PNPLA7: variants seen among roughly 807,000 people sequenced by gnomAD.
PNPLA7 encodes patatin-like phospholipase domain-containing protein 7.
PNPLA7 carries 153 observed loss-of-function variants against 161.7 expected under a neutral mutation model. The observed-to-expected ratio is 0.95, with a 90% CI of 0.83 to 1.08. The LOEUF (loss-of-function observed/expected upper bound fraction) is 1.08, where lower values mean the gene tolerates loss of function less well. Ranked by LOEUF, PNPLA7 falls within the 50% of genes least tolerant of loss-of-function variation. PNPLA7 has a pLI of 0.00. For synonymous variants in PNPLA7, 809 were observed against 782.1 expected (o/e 1.03, Z -0.57); for missense variants, 1,739 against 1,856.6 (o/e 0.94, Z 1.16).
chr9:137,464,180 A>G lies in PNPLA7; in HGVS notation c.3172T>C (p.Tyr1058His). ...GTGATGTCGGTGGTGATGGCGAAAT[A>G]AGGAATCCACAGGTCCTGCGGGCGG... ...DQQIEDLWIP[Y>H]FAITTDITAS... Residue 1058 changes from tyrosine to histidine, a missense_variant, in exon 28 of 35, where the codon TAT (tyrosine) becomes CAT (histidine). Physicochemically the swap from Tyr to His is moderately conservative, Grantham distance 83. Around this residue, in one of 6 missense-constraint regions of PNPLA7, gnomAD observed 703 missense variants for 694.6 expected, o/e 1.01. Transcript: ENST00000406427. 1 of 1,613,740 alleles carries G rather than the reference A, an allele frequency of 6.2e-7. No individual in the cohort carries two copies.
chr9:137,460,737 T>A lies in PNPLA7; in HGVS notation c.3842A>T (p.Asp1281Val), dbSNP rs1364693164. ...GTACTCCGTCTGGTAGTCAGATTCGTCTGGCACCGAGGGTAGGGCTGCGTC... is the reference window on the plus strand; with the variant it reads ...GTACTCCGTCTGGTAGTCAGATTCGACTGGCACCGAGGGTAGGGCTGCGTC... ...IEPAKPAMVD[D>V]ESDYQTEYEE... The change falls in exon 34 of 35, where the codon GAC (aspartate) becomes GTC (valine). Residue 1281 changes from aspartate to valine, a missense_variant and splice_region_variant. Asp to Val is a radical substitution (Grantham distance 152). Transcript: ENST00000406427. 3.1e-6 allele frequency: 5 copies of A among 1,612,102 alleles called. No individual in the cohort carries two copies. The highest frequency in any genetic ancestry group is 4.2e-6 in the Non-Finnish European group (5 of 1,179,572).
Position 137,523,910 on chromosome 9 carries a change from G to A in PNPLA7, c.748-1053C>T, listed in dbSNP as rs1439608112. ...CTCCCAAAGTGCTGGGATTACCGGC[G>A]TGAGCCACCACGCCTGGCTCAGATT... On this transcript the variant is annotated intron_variant, in intron 8 of 34. Transcript: ENST00000406427. This position sits in a 1 kb window ranked among gnomAD's most constrained non-coding sequence, Gnocchi z 4.4. 2.6e-5 allele frequency among the ~76,000 whole-genome samples: 4 copies of A among 152,048 alleles called. No homozygotes were observed. Among genetic ancestry groups the A allele is most frequent in the African/African-American group, 7.2e-5 (3 of 41,392 alleles).
intron 23 of PNPLA7, chr9:137,479,802 C>A: frequency 1.0e-6 from 1 of 985,480 alleles, no homozygotes; most frequent in South Asian, 4.7e-5. Context: ...CTGCTGCCAT[C>A]TGGGAACCTG....
At chr9:137,460,967 A>G in intron 33 of PNPLA7, 1 of 529,634 alleles carries the variant, frequency 1.9e-6, no homozygotes, top group Non-Finnish European at 3.4e-6. Context: ...CACAAGGACA[A>G]GGAGCGGGCA....
At chr9:137,533,575 G>T (rs1316780605) in intron 8 of PNPLA7, among the ~76,000 whole-genome samples, 3 of 146,318 alleles carry the variant, frequency 2.1e-5, no homozygotes. Context: ...ACTCCAGGCG[G>T]GAGGACTCCC....
Position 137,539,295 on chromosome 9 carries a change from A to G in PNPLA7, c.747+1347T>C, listed in dbSNP as rs143561001. Among the ~76,000 whole-genome samples, 641 of 152,238 alleles carry G rather than the reference A, an allele frequency of 4.2e-3. 3 individuals carry two copies. Among genetic ancestry groups the G allele is most frequent in the Non-Finnish European group, 4.5e-3 (306 of 68,018 alleles). On this transcript the variant is annotated intron_variant, in intron 8 of 34. Transcript: ENST00000406427. ...GAGGTGGAGGTTACAGTGAGCCAAG[A>G]TTGCGCCATTGTACTCCAGCCTGGG...
rs1307650616 is a variant in PNPLA7, at chr9:137,478,067, G to A, written c.2849C>T (p.Ala950Val). 1.3e-5 allele frequency: 19 copies of A among 1,417,708 alleles called. No individual in the cohort carries two copies. Among genetic ancestry groups the A allele is most frequent in the Non-Finnish European group, 1.7e-5 (18 of 1,083,432 alleles). 87.8% of individuals were successfully genotyped at this position (1,417,708 alleles called of 1,614,324 possible). ...SRLARVLTGN[A>V]IALVLGGGGA... ...CCCTCCCCCAAGCACCAGGGCAATG[G>A]CGTTGCCCGTCAGCACCCTCGCCAG... The change falls in exon 25 of 35, where the codon GCC becomes GTC. Residue 950 changes from alanine (A) to valine (V), a missense_variant. By Grantham distance (64) the Ala-to-Val change is moderately conservative. Around this residue, in one of 6 missense-constraint regions of PNPLA7, gnomAD observed 703 missense variants for 694.6 expected, o/e 1.01. Transcript: ENST00000406427.
Position 137,541,767 on chromosome 9 carries a change from T to A in PNPLA7, c.666+875A>T, listed in dbSNP as rs1170716844. Among the ~76,000 whole-genome samples the A allele has an allele frequency of 6.6e-6, 1 of 151,354 alleles. No individual in the cohort carries two copies. Among genetic ancestry groups the A allele is most frequent in the African/African-American group, 2.4e-5 (1 of 41,236 alleles). On this transcript the variant is annotated intron_variant, in intron 7 of 34. Coordinates refer to ENST00000406427, the MANE Select transcript of PNPLA7 (RefSeq NM_001098537.3). This position sits in a 1 kb window ranked among gnomAD's most constrained non-coding sequence, Gnocchi z 4.4. ...AGGCAGGAAACAAGTATTGAGCTCCTACGTGGATTCACACCCGAATTTTTT... is the reference window on the plus strand; with the variant it reads ...AGGCAGGAAACAAGTATTGAGCTCCAACGTGGATTCACACCCGAATTTTTT...
chr9:137,504,120 AAG>A (rs1200497062), intron 14 of PNPLA7, among the ~76,000 whole-genome samples: 1 of 150,424 alleles, frequency 6.6e-6, no homozygotes, highest in Non-Finnish European at 1.5e-5. Context: ...AAAGAAGAAG[AAG>A]AAAAAAGGAA....
Position 137,543,762 on chromosome 9 carries a change from C to T in PNPLA7, c.327G>A (p.Arg109=). Residue 109 remains arginine, a synonymous_variant, in exon 5 of 35, where the codon CGG becomes CGA. Transcript: ENST00000406427. This position sits in a 1 kb window ranked among gnomAD's most constrained non-coding sequence, Gnocchi z 6.9. ...ACAGCACCTTGGTCCTCTTCCTGGCCCGCTGCCGGGGCAGGGCAGTGTTCT... is the reference window on the plus strand; with the variant it reads ...ACAGCACCTTGGTCCTCTTCCTGGCTCGCTGCCGGGGCAGGGCAGTGTTCT... ...LVENTALPRQ[R]ARKRTKVLSL... 6.2e-7 allele frequency: 1 copy of T among 1,614,110 alleles called. No homozygotes were observed. The highest frequency in any genetic ancestry group is 8.5e-7 in the Non-Finnish European group (1 of 1,180,016).
At chr9:137,546,721 A>C in intron 4 of PNPLA7, 109 bp downstream of exon 4, 1 of 960,268 alleles carries the variant, frequency 1.0e-6, no homozygotes, top group South Asian at 1.4e-5. Context: ...AGAGGACAGC[A>C]CACACCAAGC....
chr9:137,466,972 C>CCCA (rs894846057), intron 26 of PNPLA7, among the ~76,000 whole-genome samples: 5 of 149,814 alleles, frequency 3.3e-5, no homozygotes, highest in Admixed American at 6.6e-5. Flanking sequence ...CAGACCGCCT[C>CCCA]CCACCACCGT....
At chr9:137,536,397 G>A (rs1222583378) in intron 8 of PNPLA7, among the ~76,000 whole-genome samples, 1 of 152,022 alleles carries the variant, frequency 6.6e-6, no homozygotes, top group Non-Finnish European at 1.5e-5. Context: ...GGGAGGGTCC[G>A]ACTGGGCAAG....
At chr9:137,512,640 AATAAACAAACAAC>A (rs1834301297) in intron 12 of PNPLA7, among the ~76,000 whole-genome samples, 1 of 152,214 alleles carries the variant, frequency 6.6e-6, no homozygotes. Context: ...ATCACTAGTT[AATAAACAAACAAC>A]AACTGGGCCA....
rs1310738257 is a variant in PNPLA7, at chr9:137,476,742, C to T, written c.2882+1292G>A. ...TGCTGATGTGGCCTGGGCTCAACTG[C>T]TCCAAGTCCCTGCACTGTCCCAGAC... On this transcript the variant is annotated intron_variant, in intron 25 of 34. Coordinates refer to ENST00000406427, the MANE Select transcript of PNPLA7 (RefSeq NM_001098537.3). The surrounding 1 kb of genome is among the most constrained non-coding windows in gnomAD (Gnocchi z 4.5). 6.6e-6 allele frequency among the ~76,000 whole-genome samples: 1 copy of T among 152,198 alleles called. No individual in the cohort carries two copies. Among genetic ancestry groups the T allele is most frequent in the Non-Finnish European group, 1.5e-5 (1 of 68,030 alleles).
rs778999530 is a variant in PNPLA7, at chr9:137,460,143, G to T, written c.*250C>A. The stretch of plus-strand genomic sequence containing the variant: ...GGGGGGCCTCACAGGGCTGCAGGGG[G>T]TTCACAGAGCTTCAGGGGCCTCACA... On this transcript the variant is annotated 3_prime_UTR_variant, in exon 35 of 35. Transcript: ENST00000406427. 222 of 425,744 alleles carry T rather than the reference G, an allele frequency of 5.2e-4. No individual in the cohort carries two copies. The highest frequency in any genetic ancestry group is 8.4e-4 in the Non-Finnish European group (193 of 230,110). 26.4% of individuals were successfully genotyped at this position (425,744 alleles called of 1,614,324 possible). A position where few individuals can be genotyped will look rare whatever the true frequency, so the allele number is the denominator to read the frequency against.
intron 11 of PNPLA7, among the ~76,000 whole-genome samples, chr9:137,518,036 C>T (rs1432203830): frequency 3.5e-5 from 4 of 115,798 alleles, no homozygotes; most frequent in African/African-American, 4.0e-5. Context: ...TCGACTCTGT[C>T]CACTCCATCC....
chr9:137,481,765 A>G (rs548359694), intron 21 of PNPLA7, among the ~76,000 whole-genome samples: 44 of 152,264 alleles, frequency 2.9e-4, no homozygotes, highest in African/African-American at 1.0e-3. Flanking sequence ...GTGAAACTCC[A>G]TCTCTACTAA....
At chr9:137,518,394 C>CCG (rs1834762200) in intron 11 of PNPLA7, among the ~76,000 whole-genome samples, 3 of 76,376 alleles carry the variant, frequency 3.9e-5, no homozygotes, top group Admixed American at 1.3e-4. Flanking sequence ...CCATCCCTCA[C>CCG]TCACTCACTC....
Sources: allele counts gnomAD v4.1 joint callset (sites outside exome capture counted in the v4.1 genomes callset), GRCh38; gene constraint gnomAD v4.1.1; regional missense constraint gnomAD v4.1.1; non-coding constraint Gnocchi (gnomAD v3.1); transcripts MANE v1.5; gene names NCBI Gene and HGNC (gene_info 2026-07-23, HGNC 2026-07-21).